AFF2: variants seen among roughly 807,000 people sequenced by gnomAD.
AFF2 encodes the protein ALF transcription elongation factor 2, also known as AF4/FMR2 family member 2.
AFF2 carries 14 observed loss-of-function variants against 76.9 expected under a neutral mutation model. The ratio of observed to expected loss-of-function variants is 0.18; its 90% CI spans 0.12 to 0.28. The LOEUF (loss-of-function observed/expected upper bound fraction) is 0.28. Ranked by LOEUF, AFF2 falls within the 10% of genes least tolerant of loss-of-function variation. The probability of loss-of-function intolerance (pLI) is 1.00; values close to 1 mark genes in which losing one functional copy is unlikely to be tolerated. For synonymous variants in AFF2, 398 were observed against 366.7 expected, an observed-to-expected ratio of 1.09 and a Z score of -0.98; for missense variants, 868 against 1,001.1, an observed-to-expected ratio of 0.87 and a Z score of 1.79.
At chrX:148,519,674 A>G (rs1177957992) in intron 1 of AFF2, among the ~76,000 whole-genome samples, 1 of 112,259 alleles carries the variant, frequency 8.9e-6, no homozygotes, top group African/African-American at 3.2e-5. Context: ...TTACCTGTGC[A>G]TATATACAGT....
chrX:148,727,078 C>T (rs1172860635), intron 3 of AFF2, among the ~76,000 whole-genome samples: 1 of 111,834 alleles, frequency 8.9e-6, no homozygotes, highest in Non-Finnish European at 1.9e-5. Flanking sequence ...TTAATAATGA[C>T]CTATAATCAT....
At chrX:148,880,073 G>A (rs1358296311) in intron 7 of AFF2, among the ~76,000 whole-genome samples, 2 of 112,347 alleles carry the variant, frequency 1.8e-5, no homozygotes, top group African/African-American at 6.4e-5. Flanking sequence ...ACCCCTGATA[G>A]ATCTTGGAGA....
intron 1 of AFF2, among the ~76,000 whole-genome samples, chrX:148,542,789 G>A (rs189461792): frequency 8.9e-6 from 1 of 112,046 alleles, no homozygotes; most frequent in East Asian, 2.8e-4. Context: ...GGAGAAACTC[G>A]GTATGTATTG....
chrX:148,535,726 C>T (rs1160222526), intron 1 of AFF2, among the ~76,000 whole-genome samples: 2 of 111,747 alleles, frequency 1.8e-5, no homozygotes, highest in Admixed American at 1.9e-4. Context: ...CTTAGTTACC[C>T]CAATCACTAT....
chrX:148,671,717 T>C (rs2054425597), intron 3 of AFF2, among the ~76,000 whole-genome samples: 1 of 111,104 alleles, frequency 9.0e-6, no homozygotes, highest in African/African-American at 3.3e-5. Flanking sequence ...AAGACTCAAA[T>C]TGGATCTTTT....
At chrX:148,622,405 T>C (rs1480364183) in intron 1 of AFF2, among the ~76,000 whole-genome samples, 1 of 112,058 alleles carries the variant, frequency 8.9e-6, no homozygotes, top group Non-Finnish European at 1.9e-5. Context: ...ACTTCTTTCC[T>C]GGGAAACCTT....
chrX:148,800,962 C>T (rs1463975119), intron 3 of AFF2, among the ~76,000 whole-genome samples: 1 of 112,041 alleles, frequency 8.9e-6, no homozygotes, highest in Non-Finnish European at 1.9e-5. Flanking sequence ...ATGAGTTAAT[C>T]GAGTTCTCTG....
At chrX:148,784,895 C>T (rs1454420258) in intron 3 of AFF2, among the ~76,000 whole-genome samples, 1 of 111,600 alleles carries the variant, frequency 9.0e-6, no homozygotes, top group Non-Finnish European at 1.9e-5. Flanking sequence ...CGGGCTGCCC[C>T]TCTCGGAGAC....
chrX:148,954,601 C>T (rs1557286994), intron 10 of AFF2, among the ~76,000 whole-genome samples: 1 of 111,849 alleles, frequency 8.9e-6, no homozygotes, highest in African/African-American at 3.3e-5. Flanking sequence ...TTTTGTTTTA[C>T]AAATGAGAGA....
At chrX:148,981,815 A>G (rs1272489302) in intron 19 of AFF2, among the ~76,000 whole-genome samples, 1 of 112,594 alleles carries the variant, frequency 8.9e-6, no homozygotes, top group Non-Finnish European at 1.9e-5. Flanking sequence ...TATCTAGAAA[A>G]CGTACTCCAA....
At chrX:148,725,240 T>C (rs782523057) in intron 3 of AFF2, among the ~76,000 whole-genome samples, 7 of 110,702 alleles carry the variant, frequency 6.3e-5, no homozygotes, top group Non-Finnish European at 1.3e-4. Flanking sequence ...CTGTGAGCAG[T>C]GTCACTCCTG....
chrX:148,715,131 T>A (rs2055012386), intron 3 of AFF2, among the ~76,000 whole-genome samples: 1 of 111,291 alleles, frequency 9.0e-6, no homozygotes, highest in South Asian at 3.8e-4. Context: ...AACACCAGGA[T>A]GAAGCGTAGT....
intron 7 of AFF2, among the ~76,000 whole-genome samples, chrX:148,845,072 C>T (rs2070648458): frequency 1.8e-5 from 2 of 108,850 alleles, no homozygotes; most frequent in Admixed American, 2.0e-4. Flanking sequence ...TCACTCCTGC[C>T]TCACTTCATC....
At chrX:148,546,518 G>A (rs1429996964) in intron 1 of AFF2, among the ~76,000 whole-genome samples, 3 of 112,227 alleles carry the variant, frequency 2.7e-5, no homozygotes, top group African/African-American at 6.5e-5. Flanking sequence ...CTTCCCCATC[G>A]TAGTAGAGGA....
chrX:148,900,273 G>A (rs149548829), intron 8 of AFF2, among the ~76,000 whole-genome samples: 156 of 110,509 alleles, frequency 1.4e-3, no homozygotes, highest in African/African-American at 5.1e-3. Context: ...CTATTTTTTT[G>A]TAATAGTGCT....
At chrX:148,510,987 G>A (rs1412056937) in intron 1 of AFF2, among the ~76,000 whole-genome samples, 2 of 111,943 alleles carry the variant, frequency 1.8e-5, no homozygotes, top group African/African-American at 6.5e-5. Flanking sequence ...TAGGTGTGTT[G>A]CCTTGCCTTC....
At position 148,667,182 on chromosome X, in the gene AFF2, T is replaced by C. The variant is rs150011524; in HGVS notation, c.1041+4414T>C. ...TGTGGGATTTGTCTGTAGCTTATTT[T>C]AGTGGTTAGCTTTGTCAACCAGCTG... is the stretch of plus-strand genomic sequence containing the variant. On this transcript the variant is annotated intron_variant, in intron 3 of 20. Coordinates refer to ENST00000370460, the MANE Select transcript of AFF2 (RefSeq NM_002025.4). Among the ~76,000 whole-genome samples, 675 of 112,667 alleles carry C rather than the reference T, an allele frequency of 6.0e-3. 4 individuals are homozygous for C. The highest frequency in any genetic ancestry group is 0.02 in the African/African-American group (635 of 31,038).
intron 7 of AFF2, among the ~76,000 whole-genome samples, chrX:148,872,076 G>A (rs986679883): frequency 7.2e-5 from 8 of 110,563 alleles, no homozygotes; most frequent in South Asian, 4.0e-4. Flanking sequence ...CCAGCTCTCC[G>A]TTCTTCTCTT....
chrX:148,853,078 A>G (rs192856911), intron 7 of AFF2, among the ~76,000 whole-genome samples: 1,397 of 111,799 alleles, frequency 0.012, 29 homozygotes, highest in African/African-American at 0.043. Flanking sequence ...ACAAAATTCA[A>G]ACCTTTTTTA....
Sources: allele counts gnomAD v4.1 joint callset (sites outside exome capture counted in the v4.1 genomes callset), GRCh38; gene constraint gnomAD v4.1.1; transcripts MANE v1.5; gene names NCBI Gene and HGNC (gene_info 2026-07-23, HGNC 2026-07-21).